The following CAD variants were observed in gnomAD, a reference collection of about 807,000 sequenced individuals.
CAD encodes multifunctional protein CAD.
CAD carries 81 observed loss-of-function variants against 237.2 expected under a neutral mutation model. The observed-to-expected ratio is 0.34, with a 90% confidence interval of 0.29 to 0.41. The LOEUF (loss-of-function observed/expected upper bound fraction) is 0.41. Ranked by LOEUF, CAD falls within the 10% of genes least tolerant of loss-of-function variation. CAD has a pLI of 1.00. For missense variants in CAD, 2,181 were observed against 2,951.7 expected, an observed-to-expected ratio of 0.74 and a Z score of 6.05; for synonymous variants, 1,196 against 1,162.8, an observed-to-expected ratio of 1.03 and a Z score of -0.58.
In CAD at chr2:27,237,872, A is replaced by G. The variant is rs1558541805; in HGVS notation, c.4718A>G (p.Gln1573Arg). Reference protein sequence around the residue: ...FSELRLDSVVQWMEHFETWPS... With the variant: ...FSELRLDSVVRWMEHFETWPS... ...GAGCTGCGGCTGGACAGCGTGGTCC[A>G]GTGGATGGAGGTAGGGAGTGTGCAT... Residue 1573 changes from glutamine (Q) to arginine (R), a missense_variant, in exon 29 of 44, where the codon CAG becomes CGG. Gln to Arg is a conservative substitution (Grantham distance 43). Transcript: ENST00000264705. The surrounding 1 kb of genome is among the most constrained non-coding windows in gnomAD (Gnocchi z 4.0). 1.2e-6 allele frequency: 2 copies of G among 1,611,008 alleles called. No homozygotes were observed. Among genetic ancestry groups the G allele is most frequent in the East Asian group, 4.5e-5 (2 of 44,822 alleles).
chr2:27,238,003 T>G (rs2148088441), intron 29 of CAD, 53 bp from the exon 30 acceptor site: 13 of 1,604,110 alleles, frequency 8.1e-6, no homozygotes, highest in Non-Finnish European at 1.1e-5. Flanking sequence ...TGGGCTCTGA[T>G]GAGCACAGTC....
At chr2:27,234,797 A>G in intron 23 of CAD, 112 bp downstream of exon 23, 1 of 1,005,646 alleles carries the variant, frequency 9.9e-7, no homozygotes, top group Non-Finnish European at 1.5e-6. Flanking sequence ...GCATTGCCGG[A>G]TCGTGGGGGT....
At position 27,241,501 on chromosome 2, in the gene CAD, C is replaced by A; in HGVS notation, c.5883+105C>A. ...GAGTGGGTCTTCCTCCCCCTGCCAT[C>A]CCGTCCCCTTATGCTAGTCCATCCC... On this transcript the variant is annotated intron_variant, in intron 38 of 43. Coordinates refer to ENST00000264705, the MANE Select transcript of CAD (RefSeq NM_004341.5). The surrounding 1 kb of genome is among the most constrained non-coding windows in gnomAD (Gnocchi z 4.6). 1 of 1,053,512 alleles carries A rather than the reference C, an allele frequency of 9.5e-7. No homozygotes were observed. The highest frequency in any genetic ancestry group is 1.3e-5 in the South Asian group (1 of 76,830). 65.3% of individuals were successfully genotyped at this position (1,053,512 alleles called of 1,614,324 possible). A position where few individuals can be genotyped will look rare whatever the true frequency, so the allele number is the denominator to read the frequency against.
Position 27,233,418 on chromosome 2 carries a change from G to A in CAD, c.3098G>A (p.Arg1033Gln), listed in dbSNP as rs377122535. ...MAMALHRQQC[R>Q]VLGTSPEAID... ...ATGGCGTTGCATCGGCAGCAGTGCC[G>A]GGTGCTGGGCACCTCCCCTGAAGCC... Residue 1033 changes from arginine to glutamine, a missense_variant, in exon 20 of 44, where the codon CGG becomes CAG. Physicochemically the swap from Arg to Gln is conservative, Grantham distance 43. Transcript: ENST00000264705. This position sits in a 1 kb window ranked among gnomAD's most constrained non-coding sequence, Gnocchi z 6.3. 44 of 1,614,098 alleles carry A rather than the reference G, an allele frequency of 2.7e-5. No homozygotes were observed. The highest frequency in any genetic ancestry group is 3.3e-5 in the Non-Finnish European group (39 of 1,180,048).
chr2:27,227,006 C>T (rs758840305), intron 15 of CAD, 44 bp downstream of exon 15: 3 of 1,585,376 alleles, frequency 1.9e-6, no homozygotes, highest in Middle Eastern at 1.7e-4. Flanking sequence ...CCCACCATGA[C>T]CAAGAATCTT....
At position 27,223,696 on chromosome 2, in the gene CAD, G is replaced by C; in HGVS notation, c.943G>C (p.Ala315Pro). 6.2e-7 allele frequency: 1 copy of C among 1,614,176 alleles called. No individual in the cohort carries two copies. The highest frequency in any genetic ancestry group is 1.1e-5 in the South Asian group (1 of 91,084). The change falls in exon 7 of 44, where the codon GCC becomes CCC. Residue 315 changes from alanine to proline, a missense_variant. Around this residue, in one of 12 missense-constraint regions of CAD, gnomAD observed 129 missense variants for 143.3 expected, o/e 0.90. Coordinates refer to ENST00000264705, the MANE Select transcript of CAD (RefSeq NM_004341.5). Reference sequence around the variant, plus strand: ...AGACTGGGCTCCTCTCTTCACCAACGCCAATGATGGTTCCAATGAAGGCAT... The same window carrying C: ...AGACTGGGCTCCTCTCTTCACCAACCCCAATGATGGTTCCAATGAAGGCAT... Reference protein sequence around the residue: ...PADWAPLFTNANDGSNEGIVH... With the variant: ...PADWAPLFTNPNDGSNEGIVH...
Position 27,237,792 on chromosome 2 carries a change from C to T in CAD, c.4638C>T (p.Gly1546=). ...GASSENAGTL[G]TVAGSAAGLK... ...CGTCTGAAAATGCAGGAACCTTGGGCACCGTGGCCGGGTCTGCAGCCGGGC... is the reference window on the plus strand; with the variant it reads ...CGTCTGAAAATGCAGGAACCTTGGGTACCGTGGCCGGGTCTGCAGCCGGGC... Residue 1546 remains glycine, a synonymous_variant, in exon 29 of 44, where the codon GGC becomes GGT. Coordinates refer to ENST00000264705, the MANE Select transcript of CAD (RefSeq NM_004341.5). This position sits in a 1 kb window ranked among gnomAD's most constrained non-coding sequence, Gnocchi z 4.0. 3 of 1,614,232 alleles carry T rather than the reference C, an allele frequency of 1.9e-6. No individual in the cohort carries two copies. Among genetic ancestry groups the T allele is most frequent in the Non-Finnish European group, 2.5e-6 (3 of 1,180,048 alleles).
rs751438441 is a variant in CAD, at chr2:27,236,250, C to T, written c.4075-34C>T. 1.2e-6 allele frequency: 2 copies of T among 1,606,480 alleles called. No individual in the cohort carries two copies. Among genetic ancestry groups the T allele is most frequent in the Non-Finnish European group, 1.7e-6 (2 of 1,174,904 alleles). On this transcript the variant is annotated intron_variant, in intron 25 of 43. Transcript: ENST00000264705. This position sits in a 1 kb window ranked among gnomAD's most constrained non-coding sequence, Gnocchi z 4.1. ...GCTAGCCTTCCTGACCGCTGCCAGA[C>T]AGCTTGGCCCTGACCTTGACTCCGG... is the stretch of plus-strand genomic sequence containing the variant.
chr2:27,243,639 C>A lies in CAD; in HGVS notation c.*121C>A. 1.3e-6 allele frequency: 1 copy of A among 783,150 alleles called. No homozygotes were observed. Among genetic ancestry groups the A allele is most frequent in the South Asian group, 1.8e-5 (1 of 57,020 alleles). The allele number at this position is 783,150 out of a possible 1,614,324, so 48.5% of individuals were successfully genotyped here. On this transcript the variant is annotated 3_prime_UTR_variant, in exon 44 of 44. Transcript: ENST00000264705. ...CATCCAGATAGCTCACATGTGCTGA[C>A]CACACTTCAGGCTCTGGACTGGAGC...
intron 2 of CAD, among the ~76,000 whole-genome samples, chr2:27,219,812 C>T (rs551602638): frequency 6.6e-6 from 1 of 152,258 alleles, no homozygotes; most frequent in East Asian, 1.9e-4. Context: ...TGGTTTTGAA[C>T]TCCCGATCAC....
In CAD at chr2:27,242,215, A is replaced by G; in HGVS notation, c.6097-87A>G. 1.3e-6 allele frequency: 2 copies of G among 1,583,206 alleles called. No homozygotes were observed. The highest frequency in any genetic ancestry group is 1.7e-6 in the Non-Finnish European group (2 of 1,161,222). On this transcript the variant is annotated intron_variant, in intron 39 of 43. Coordinates refer to ENST00000264705, the MANE Select transcript of CAD (RefSeq NM_004341.5). The surrounding 1 kb of genome is among the most constrained non-coding windows in gnomAD (Gnocchi z 6.4). ...GCCCACGTTTTCTGTGTTTTGGGCCAGATGAGTGAGGGGACCCCAGAAGAG... is the reference window on the plus strand; with the variant it reads ...GCCCACGTTTTCTGTGTTTTGGGCCGGATGAGTGAGGGGACCCCAGAAGAG...
At chr2:27,230,468 C>T (rs1346481517) in intron 15 of CAD, among the ~76,000 whole-genome samples, 2 of 151,774 alleles carry the variant, frequency 1.3e-5, no homozygotes, top group African/African-American at 2.4e-5. Flanking sequence ...GGTGAAATCC[C>T]GTCTCTAATT....
At chr2:27,221,753 ATTTTTTTTT>A (rs57429918) in intron 3 of CAD, among the ~76,000 whole-genome samples, 3 of 103,494 alleles carry the variant, frequency 2.9e-5, no homozygotes, top group African/African-American at 1.3e-4. Flanking sequence ...AAATTTCCCA[ATTTTTTTTT>A]TTTTTTTTTT....
chr2:27,224,243 C>T, intron 8 of CAD, 102 bp from the exon 9 acceptor site: 1 of 1,273,242 alleles, frequency 7.9e-7, no homozygotes, highest in Non-Finnish European at 1.1e-6. Flanking sequence ...TCCTGAGGTG[C>T]ATAATTTGCT....
Position 27,242,081 on chromosome 2 carries a change from C to G in CAD, c.6054C>G (p.Ala2018=). 6.2e-7 allele frequency: 1 copy of G among 1,613,190 alleles called. No individual in the cohort carries two copies. The highest frequency in any genetic ancestry group is 8.5e-7 in the Non-Finnish European group (1 of 1,180,012). ...CCGTGCAGACCATGAGCTGCTATGC[C>G]GACGTCGTCGTGCTCCGGCACCCCC... ...ADSVQTMSCY[A]DVVVLRHPQP... The change falls in exon 39 of 44, where the codon GCC becomes GCG. Residue 2018 remains alanine (A), a synonymous_variant. Transcript: ENST00000264705. This position sits in a 1 kb window ranked among gnomAD's most constrained non-coding sequence, Gnocchi z 6.4.
intron 6 of CAD, 111 bp downstream of exon 6, chr2:27,223,148 G>T: frequency 8.4e-7 from 1 of 1,183,780 alleles, no homozygotes; most frequent in African/African-American, 1.5e-5. Flanking sequence ...GAGCGGGGGG[G>T]TTGCAGGTGA....
chr2:27,222,418 G>A, intron 4 of CAD, 82 bp downstream of exon 4: 8 of 1,581,266 alleles, frequency 5.1e-6, no homozygotes, highest in South Asian at 4.5e-5. Flanking sequence ...GAACACAGGA[G>A]AGAATCAAAG....
chr2:27,243,518 G>A lies in CAD; in HGVS notation c.6678G>A (p.Ter2226=), dbSNP rs374888444. The A allele has an allele frequency of 1.3e-6, 2 of 1,585,062 alleles. No individual in the cohort carries two copies. Among genetic ancestry groups the A allele is most frequent in the African/African-American group, 1.3e-5 (1 of 74,478 alleles). Reference sequence around the variant, plus strand: ...TAGCCACCGTGCTGGGCCGTTTCTAGGGCCTGGCTTCCTCAGCCTCTTCTC... The same window carrying A: ...TAGCCACCGTGCTGGGCCGTTTCTAAGGCCTGGCTTCCTCAGCCTCTTCTC... The part of the protein sequence containing the change: ...ALLATVLGRF[*] Residue 2226 remains the stop codon, a stop_retained_variant, in exon 44 of 44, where the codon TAG becomes TAA. Coordinates refer to ENST00000264705, the MANE Select transcript of CAD (RefSeq NM_004341.5).
Position 27,239,496 on chromosome 2 carries a change from C to T in CAD, c.5394+25C>T. The stretch of plus-strand genomic sequence containing the variant: ...GGTACGCAAGTAGCCCCTGCCTGAT[C>T]TCAGTAGTGCCCTCTTCTGCACCAC... On this transcript the variant is annotated intron_variant, in intron 33 of 43. Transcript: ENST00000264705. The surrounding 1 kb of genome is among the most constrained non-coding windows in gnomAD (Gnocchi z 4.0). 1.9e-6 allele frequency: 3 copies of T among 1,609,806 alleles called. No homozygotes were observed. The highest frequency in any genetic ancestry group is 3.8e-4 in the Middle Eastern group (2 of 5,308).
Sources: gnomAD v4.1 joint callset for allele counts (sites outside exome capture counted in the v4.1 genomes callset) on GRCh38, gnomAD v4.1.1 for gene constraint, gnomAD v4.1.1 regional missense constraint, Gnocchi (gnomAD v3.1) non-coding constraint, MANE v1.5 for transcripts, NCBI Gene and HGNC (gene_info 2026-07-23, HGNC 2026-07-21) for gene names.